Variants in SLC24A1 observed in about 807,000 individuals in gnomAD.
SLC24A1 encodes the protein solute carrier family 24 member 1.
SLC24A1 carries 52 observed loss-of-function variants against 88.1 expected under a neutral mutation model. That is an observed-to-expected ratio of 0.59 (90% CI 0.47 to 0.74). The LOEUF is 0.74. Ranked by LOEUF, SLC24A1 falls within the 30% of genes least tolerant of loss-of-function variation. The pLI is 0.00. For synonymous variants in SLC24A1, 455 were observed against 498.0 expected (o/e 0.91, Z 1.15); for missense variants, 1,173 against 1,363.3 (o/e 0.86, Z 2.20).
upstream of SLC24A1, among the ~76,000 whole-genome samples, chr15:65,618,393 A>G (rs184292624): frequency 6.6e-5 from 10 of 152,314 alleles, no homozygotes; most frequent in East Asian, 1.9e-3. Flanking sequence ...ACTGCTGTAT[A>G]TAATTGACTA....
upstream of SLC24A1, among the ~76,000 whole-genome samples, chr15:65,618,659 TA>T (rs2074225884): frequency 6.6e-6 from 1 of 152,248 alleles, no homozygotes; most frequent in Non-Finnish European, 1.5e-5. Context: ...CACTGGGTGT[TA>T]TTTAAATTTC....
At chr15:65,644,243 T>G (rs968888673) in intron 4 of SLC24A1, 184 bp from the exon 5 acceptor site, 2 of 625,490 alleles carry the variant, frequency 3.2e-6, no homozygotes, top group African/African-American at 3.6e-5. Flanking sequence ...GACAGAACTT[T>G]GGGAATTAGG....
Position 65,655,519 on chromosome 15 carries a change from C to T in SLC24A1, c.*1440C>T. On this transcript the variant is annotated 3_prime_UTR_variant, in exon 10 of 10. Coordinates refer to ENST00000261892, the MANE Select transcript of SLC24A1 (RefSeq NM_004727.3). Reference sequence around the variant, plus strand: ...TGATGAGTTTGTATATTAAATACCACTGCTTGCTGCTTTTACTAGAATCAA... The same window carrying T: ...TGATGAGTTTGTATATTAAATACCATTGCTTGCTGCTTTTACTAGAATCAA... 1.0e-6 allele frequency: 1 copy of T among 985,376 alleles called. No homozygotes were observed. The highest frequency in any genetic ancestry group is 1.7e-5 in the African/African-American group (1 of 57,348). 61.0% of individuals were successfully genotyped at this position (985,376 alleles called of 1,614,324 possible).
chr15:65,642,285 G>A (rs551797213), intron 4 of SLC24A1, among the ~76,000 whole-genome samples: 2 of 152,312 alleles, frequency 1.3e-5, no homozygotes, highest in East Asian at 1.9e-4. Flanking sequence ...CTGATCCGTG[G>A]AAAAGATGTT....
chr15:65,644,176 AAGGG>A, intron 4 of SLC24A1: 2 of 477,066 alleles, frequency 4.2e-6, no homozygotes, highest in Admixed American at 6.5e-5. Flanking sequence ...AGGCCTTGAG[AAGGG>A]AAATGACTTA....
At chr15:65,638,465 C>T (rs985979429) in intron 3 of SLC24A1, among the ~76,000 whole-genome samples, 3 of 152,166 alleles carry the variant, frequency 2.0e-5, no homozygotes, top group Non-Finnish European at 4.4e-5. Flanking sequence ...TCAGATTCTG[C>T]ATCTGTAAAA....
At chr15:65,644,370 C>T (rs2075233007) in intron 4 of SLC24A1, 57 bp from the exon 5 acceptor site, 9 of 1,212,286 alleles carry the variant, frequency 7.4e-6, no homozygotes, top group Admixed American at 5.9e-5. Flanking sequence ...ACTGAAAGGG[C>T]GTGGCAGGGA....
At chr15:65,612,083 A>G (rs971164815) in intron 1 of SLC24A1, 7 of 152,340 alleles carry the variant, frequency 4.6e-5, no homozygotes, top group African/African-American at 1.7e-4. Flanking sequence ...CTGTAAGGCA[A>G]CATGGGCTCT....
chr15:65,643,113 T>C, intron 4 of SLC24A1: 1 of 911,222 alleles, frequency 1.1e-6, no homozygotes, highest in Non-Finnish European at 1.6e-6. Context: ...AGACACTGTT[T>C]TGACCATATT....
intron 5 of SLC24A1, 117 bp downstream of exon 5, chr15:65,644,630 C>A: frequency 1.5e-6 from 1 of 678,190 alleles, no homozygotes; most frequent in South Asian, 1.8e-5. Flanking sequence ...CATCTTTGGC[C>A]TCTGTGAGCC....
At chr15:65,617,674 A>G (rs1376185258), upstream of SLC24A1, among the ~76,000 whole-genome samples, 1 of 152,232 alleles carries the variant, frequency 6.6e-6, no homozygotes, top group Non-Finnish European at 1.5e-5. Flanking sequence ...ATCTGCAAAC[A>G]GGGACAATTT....
downstream of SLC24A1, chr15:65,656,315 GT>G (rs551801639): frequency 7.6e-6 from 7 of 917,896 alleles, no homozygotes; most frequent in East Asian, 8.3e-4. Context: ...TAGAAAGGAA[GT>G]TCTGATCACT....
Position 65,650,992 on chromosome 15 carries a change from G to T in SLC24A1, c.2793+50G>T. The T allele has an allele frequency of 6.6e-7, 1 of 1,513,448 alleles. No homozygotes were observed. The highest frequency in any genetic ancestry group is 9.2e-7 in the Non-Finnish European group (1 of 1,088,710). The allele number at this position is 1,513,448 out of a possible 1,614,324, so 93.8% of individuals were successfully genotyped here. A position where few individuals can be genotyped will look rare whatever the true frequency, so the allele number is the denominator to read the frequency against. On this transcript the variant is annotated intron_variant, in intron 7 of 9. Transcript: ENST00000261892. The surrounding 1 kb of genome is among the most constrained non-coding windows in gnomAD (Gnocchi z 4.1). ...GACTCTTTATCCCCAGCAGGGCTGT[G>T]GGGTCTCTCGGCATGCGGGGCTCAC...
rs1340008474 is a variant in SLC24A1, at chr15:65,650,727, G to A, written c.2578G>A (p.Glu860Lys). Reference protein sequence around the residue: ...DGGGSDGGDSEEEEEEEEEQE... With the variant: ...DGGGSDGGDSKEEEEEEEEQE... ...AGGGGGAAGTGATGGAGGGGATAGC[G>A]AAGAGGAGGAAGAGGAGGAGGAAGA... Residue 860 changes from glutamate (E) to lysine (K), a missense_variant, in exon 7 of 10, where the codon GAA becomes AAA. Physicochemically the swap from Glu to Lys is moderately conservative, Grantham distance 56 (BLOSUM62 1). Coordinates refer to ENST00000261892, the MANE Select transcript of SLC24A1 (RefSeq NM_004727.3). The surrounding 1 kb of genome is among the most constrained non-coding windows in gnomAD (Gnocchi z 4.1). 2.5e-6 allele frequency: 4 copies of A among 1,576,486 alleles called. No homozygotes were observed. Among genetic ancestry groups the A allele is most frequent in the East Asian group, 2.3e-5 (1 of 42,770 alleles).
rs545291420 is a variant in SLC24A1, at chr15:65,624,797, A to G, written c.717A>G (p.Arg239=). The change falls in exon 2 of 10, where the codon AGA becomes AGG. Residue 239 remains arginine (R), a synonymous_variant. Coordinates refer to ENST00000261892, the MANE Select transcript of SLC24A1 (RefSeq NM_004727.3). The part of the protein sequence containing the change: ...YKILETNSLK[R]IMEETTPTTL... ...TACTCGAAACCAACTCTCTTAAGAG[A>G]ATAATGGAGGAAACCACCCCAACCA... is the stretch of plus-strand genomic sequence containing the variant. 1 of 1,614,044 alleles carries G rather than the reference A, an allele frequency of 6.2e-7. No individual in the cohort carries two copies. Among genetic ancestry groups the G allele is most frequent in the East Asian group, 2.2e-5 (1 of 44,890 alleles).
At position 65,654,799 on chromosome 15, in the gene SLC24A1, C is replaced by T. The variant is rs533399545; in HGVS notation, c.*720C>T. 1.8e-5 allele frequency: 19 copies of T among 1,034,738 alleles called. No homozygotes were observed. Among genetic ancestry groups the T allele is most frequent in the East Asian group, 1.2e-4 (2 of 16,786 alleles). 64.1% of individuals were successfully genotyped at this position (1,034,738 alleles called of 1,614,324 possible). ...CGGCACACCACAACCTTCACCTCCC[C>T]GGTTCAAGCAATTCTCCTGCCTCAG... On this transcript the variant is annotated 3_prime_UTR_variant, in exon 10 of 10. Coordinates refer to ENST00000261892, the MANE Select transcript of SLC24A1 (RefSeq NM_004727.3).
At chr15:65,660,056 C>T (rs1421072348), downstream of SLC24A1, 5 of 460,922 alleles carry the variant, frequency 1.1e-5, no homozygotes, top group South Asian at 3.6e-5. Context: ...AGCCTCCCCC[C>T]TCTGAAATGT....
chr15:65,642,505 C>T (rs146803641), intron 4 of SLC24A1, among the ~76,000 whole-genome samples: 5 of 152,290 alleles, frequency 3.3e-5, no homozygotes, highest in South Asian at 2.1e-4. Context: ...ATGGCTAGCC[C>T]TTCCAGCAAC....
At chr15:65,658,530 A>G (rs1017240529), downstream of SLC24A1, 1 of 152,260 alleles carries the variant, frequency 6.6e-6, no homozygotes, top group Admixed American at 6.5e-5. Context: ...GAGGTTGAGT[A>G]TCCCTTATCA....
Sources: allele counts gnomAD v4.1 joint callset (sites outside exome capture counted in the v4.1 genomes callset), GRCh38; gene constraint gnomAD v4.1.1; non-coding constraint Gnocchi (gnomAD v3.1); transcripts MANE v1.5; gene names NCBI Gene and HGNC (gene_info 2026-07-23, HGNC 2026-07-21).